DOP1B: variants seen among roughly 807,000 people sequenced by gnomAD.
DOP1B encodes DOP1 leucine zipper like protein B.
A neutral mutation model predicts 233.5 loss-of-function variants in DOP1B; 174 were observed. That is an observed-to-expected ratio of 0.75 (90% CI 0.66 to 0.85). DOP1B has a LOEUF of 0.85. Ranked by LOEUF, DOP1B falls within the 40% of genes least tolerant of loss-of-function variation. The pLI, the probability that DOP1B is intolerant of heterozygous loss-of-function variation, is 0.00. For missense variants in DOP1B, 2,652 were observed against 2,846.6 expected, an observed-to-expected ratio of 0.93 and a Z score of 1.56; for synonymous variants, 1,190 against 1,185.6, an observed-to-expected ratio of 1.00 and a Z score of -0.08.
chr21:36,197,747 C>T (rs570949666), intron 2 of DOP1B, among the ~76,000 whole-genome samples: 2 of 152,328 alleles, frequency 1.3e-5, no homozygotes, highest in East Asian at 1.9e-4. Context: ...CAGTGGCTCA[C>T]GGCTGTAATC....
chr21:36,174,352 A>T (rs970038425), intron 2 of DOP1B, among the ~76,000 whole-genome samples: 1 of 152,084 alleles, frequency 6.6e-6, no homozygotes. Context: ...GCCGGGCGTG[A>T]TGGCAGGCAC....
At chr21:36,160,252 T>C (rs1457357348) in intron 1 of DOP1B, among the ~76,000 whole-genome samples, 1 of 152,148 alleles carries the variant, frequency 6.6e-6, no homozygotes, top group African/African-American at 2.4e-5. Flanking sequence ...TTTCAAAATG[T>C]GTGAAGGCAG....
chr21:36,256,587 C>T (rs1167988790), intron 23 of DOP1B, among the ~76,000 whole-genome samples: 2 of 152,102 alleles, frequency 1.3e-5, no homozygotes, highest in Admixed American at 6.6e-5. Context: ...AGTGGGTGTG[C>T]GGATAACAAA....
chr21:36,159,200 C>T (rs2065847809), intron 1 of DOP1B, among the ~76,000 whole-genome samples: 1 of 152,030 alleles, frequency 6.6e-6, no homozygotes, highest in Admixed American at 6.6e-5. Context: ...GCCTGTAATC[C>T]CAGTACTTTG....
chr21:36,271,862 T>G (rs1331339186), intron 27 of DOP1B, among the ~76,000 whole-genome samples: 1 of 150,382 alleles, frequency 6.6e-6, no homozygotes, highest in Non-Finnish European at 1.5e-5. Flanking sequence ...GCTGGGAGGG[T>G]TGGCTCATGC....
At chr21:36,229,994 C>T (rs1464449193) in intron 13 of DOP1B, among the ~76,000 whole-genome samples, 2 of 151,582 alleles carry the variant, frequency 1.3e-5, no homozygotes, top group African/African-American at 4.9e-5. Flanking sequence ...TTATTTTACC[C>T]TCAGCTCAGT....
chr21:36,211,907 G>T, intron 6 of DOP1B, 67 bp from the exon 7 acceptor site: 1 of 1,606,476 alleles, frequency 6.2e-7, no homozygotes, highest in South Asian at 1.1e-5. Flanking sequence ...AGGAAGGGCT[G>T]CGTGTCAAAA....
At chr21:36,169,236 G>C in intron 2 of DOP1B, 1 of 955,182 alleles carries the variant, frequency 1.0e-6, no homozygotes. Flanking sequence ...CCACCCAGAA[G>C]GTCGATGCTC....
intron 13 of DOP1B, among the ~76,000 whole-genome samples, chr21:36,229,863 A>G (rs1292435191): frequency 2.0e-5 from 3 of 151,490 alleles, no homozygotes; most frequent in Admixed American, 6.6e-5. Flanking sequence ...GGGTTTCACC[A>G]TGTTGGCCAT....
At chr21:36,226,198 G>A (rs1191123823) in intron 12 of DOP1B, among the ~76,000 whole-genome samples, 5 of 152,160 alleles carry the variant, frequency 3.3e-5, no homozygotes, top group African/African-American at 1.2e-4. Flanking sequence ...AGCATTGCTT[G>A]AGCCCAGGAA....
intron 24 of DOP1B, chr21:36,261,518 C>T (rs2067171297): frequency 1.0e-6 from 1 of 985,364 alleles, no homozygotes; most frequent in Non-Finnish European, 1.2e-6. Context: ...GGGGATTCCG[C>T]AGGTTTTTCC....
intron 2 of DOP1B, among the ~76,000 whole-genome samples, chr21:36,170,884 C>G (rs1329167698): frequency 1.3e-5 from 2 of 151,498 alleles, no homozygotes; most frequent in Non-Finnish European, 2.9e-5. Flanking sequence ...GATCTCATTT[C>G]TTGTTCCCTG....
At chr21:36,177,092 C>T (rs1034907986) in intron 2 of DOP1B, among the ~76,000 whole-genome samples, 4 of 152,174 alleles carry the variant, frequency 2.6e-5, no homozygotes, top group African/African-American at 7.2e-5. Context: ...GGATTACAGG[C>T]GTGAGCCACC....
chr21:36,188,934 G>A (rs754455795), intron 2 of DOP1B, among the ~76,000 whole-genome samples: 1 of 152,110 alleles, frequency 6.6e-6, no homozygotes, highest in East Asian at 1.9e-4. Context: ...CTTTTTTAAA[G>A]CATTTTAAAT....
chr21:36,178,222 G>A (rs2066053517), intron 2 of DOP1B, among the ~76,000 whole-genome samples: 2 of 152,178 alleles, frequency 1.3e-5, no homozygotes, highest in South Asian at 4.1e-4. Context: ...CAGGCACAGT[G>A]GCTCACACTT....
rs1937435205 is a variant in DOP1B, at chr21:36,227,817, G to A, written c.1605G>A (p.Val535=). The A allele has an allele frequency of 6.2e-7, 1 of 1,613,216 alleles. No homozygotes were observed. The highest frequency in any genetic ancestry group is 8.5e-7 in the Non-Finnish European group (1 of 1,179,380). ...ATGCCTTGAAGACGTGTTTCAAGGT[G>A]CTCAGCAAAGTCCAGATGCCTCCTT... is the stretch of plus-strand genomic sequence containing the variant. The part of the protein sequence containing the change: ...LTHALKTCFK[V]LSKVQMPPSY... The change falls in exon 13 of 37, where the codon GTG becomes GTA. Residue 535 remains valine (V), a synonymous_variant. Transcript: ENST00000691173.
chr21:36,230,774 G>A lies in DOP1B; in HGVS notation c.1990G>A (p.Asp664Asn). 1 of 1,614,200 alleles carries A rather than the reference G, an allele frequency of 6.2e-7. No individual in the cohort carries two copies. Among genetic ancestry groups the A allele is most frequent in the Non-Finnish European group, 8.5e-7 (1 of 1,180,042 alleles). Reference protein sequence around the residue: ...SKSEEPAGKRDRDGTQSLAAN... With the variant: ...SKSEEPAGKRNRDGTQSLAAN... ...GTCCGAGGAGCCTGCAGGGAAGAGG[G>A]ACAGGGATGGGACGCAGAGCCTGGC... Residue 664 changes from aspartate (D) to asparagine (N), a missense_variant, in exon 14 of 37, where the codon GAC becomes AAC. Physicochemically the swap from Asp to Asn is conservative, Grantham distance 23. Coordinates refer to ENST00000691173, the MANE Select transcript of DOP1B (RefSeq NM_001320714.2).
At chr21:36,230,315 C>A in intron 13 of DOP1B, 135 bp from the exon 14 acceptor site, 2 of 1,150,490 alleles carry the variant, frequency 1.7e-6, no homozygotes, top group Non-Finnish European at 2.4e-6. Flanking sequence ...TCATTATACA[C>A]TTAACACAGG....
In DOP1B at chr21:36,239,786, C is replaced by T. The variant is rs1270248750; in HGVS notation, c.2898C>T (p.Asp966=). 6.5e-7 allele frequency: 1 copy of T among 1,547,960 alleles called. No individual in the cohort carries two copies. Among genetic ancestry groups the T allele is most frequent in the South Asian group, 1.2e-5 (1 of 83,874 alleles). ...GCAGGTCCTTGTTTGTCGTGCTGGA[C>T]AGCCTGGCCTGCACGGATGGTGCCA... The part of the protein sequence containing the change: ...SFDRSLFVVL[D]SLACTDGAIG... The change falls in exon 18 of 37, where the codon GAC becomes GAT. Residue 966 remains aspartate (D), a synonymous_variant. Coordinates refer to ENST00000691173, the MANE Select transcript of DOP1B (RefSeq NM_001320714.2).
Sources: gnomAD v4.1 joint callset for allele counts (sites outside exome capture counted in the v4.1 genomes callset) on GRCh38, gnomAD v4.1.1 for gene constraint, MANE v1.5 for transcripts, NCBI Gene and HGNC (gene_info 2026-07-23, HGNC 2026-07-21) for gene names.